The following JAKMIP3 variants were observed in gnomAD, a reference collection of about 807,000 sequenced individuals.
JAKMIP3 encodes janus kinase and microtubule-interacting protein 3.
A neutral mutation model predicts 118.5 loss-of-function variants in JAKMIP3; 58 were observed. The ratio of observed to expected loss-of-function variants is 0.49; its 90% CI spans 0.40 to 0.61. The LOEUF (loss-of-function observed/expected upper bound fraction) is 0.61, where lower values mean the gene tolerates loss of function less well. Ranked by LOEUF, JAKMIP3 falls within the 20% of genes least tolerant of loss-of-function variation. The pLI is 0.00. For missense variants in JAKMIP3, 950 were observed against 1,109.0 expected, an observed-to-expected ratio of 0.86 and a Z score of 2.04; for synonymous variants, 486 against 451.2, an observed-to-expected ratio of 1.08 and a Z score of -0.98.
At chr10:132,037,411 G>C (rs1362691237) in intron 1 of JAKMIP3, among the ~76,000 whole-genome samples, 1 of 152,086 alleles carries the variant, frequency 6.6e-6, no homozygotes, top group Non-Finnish European at 1.5e-5. Context: ...GTAAGAAATG[G>C]GGTGGTGACG....
chr10:132,089,914 A>C (rs1444181087), intron 1 of JAKMIP3, among the ~76,000 whole-genome samples: 1 of 152,218 alleles, frequency 6.6e-6, no homozygotes, highest in African/African-American at 2.4e-5. Context: ...AGTTTTTAGC[A>C]TGAAGGGCTG....
Position 132,065,951 on chromosome 10 carries a change from A to G in JAKMIP3, c.-248A>G, listed in dbSNP as rs1206913393. On this transcript the variant is annotated 5_prime_UTR_variant, in exon 1 of 24. Transcript: ENST00000684848. This position sits in a 1 kb window ranked among gnomAD's most constrained non-coding sequence, Gnocchi z 5.6. The stretch of plus-strand genomic sequence containing the variant: ...GCCGAGCTCTTTGCTGAGTCATAGA[A>G]GCTCGGAGCTGATTTGCGCAAAAGC... Among the ~76,000 whole-genome samples, 1 of 152,190 alleles carries G rather than the reference A, an allele frequency of 6.6e-6. No individual in the cohort carries two copies. The highest frequency in any genetic ancestry group is 1.5e-5 in the Non-Finnish European group (1 of 68,020).
intron 14 of JAKMIP3, 106 bp downstream of exon 14, chr10:132,148,156 A>G (rs1037459302): frequency 1.5e-6 from 1 of 686,644 alleles, no homozygotes. Context: ...GAACATGAAC[A>G]TGAACCCAAA....
chr10:132,093,638 C>A (rs2043406578), intron 1 of JAKMIP3, among the ~76,000 whole-genome samples: 1 of 152,164 alleles, frequency 6.6e-6, no homozygotes, highest in South Asian at 2.1e-4. Context: ...CTGTCCATCA[C>A]CGCTTCCCTT....
At chr10:132,143,692 T>A (rs1046690665) in intron 11 of JAKMIP3, 1 of 152,178 alleles carries the variant, frequency 6.6e-6, no homozygotes, top group Non-Finnish European at 1.5e-5. Context: ...TGTATTATAA[T>A]TGGAAATGTC....
chr10:132,059,666 G>A (rs567773222), intron 1 of JAKMIP3, among the ~76,000 whole-genome samples: 12 of 152,346 alleles, frequency 7.9e-5, no homozygotes, highest in Non-Finnish European at 1.2e-4. Context: ...CGCAGCAGGC[G>A]CTTAGTGGGG....
chr10:132,135,869 C>T lies in JAKMIP3; in HGVS notation c.970-61C>T, dbSNP rs1225399238. 7 of 1,541,836 alleles carry T rather than the reference C, an allele frequency of 4.5e-6. No homozygotes were observed. The East Asian group carries it at 9.2e-5, about 20-fold the overall frequency. On this transcript the variant is annotated intron_variant, in intron 5 of 23. Transcript: ENST00000684848. ...AGCTGTGGTCAGTCAGCCGACTCTGCGTGGAGACCTGCTGGTTCTCCGTCA... is the reference window on the plus strand; with the variant it reads ...AGCTGTGGTCAGTCAGCCGACTCTGTGTGGAGACCTGCTGGTTCTCCGTCA...
intron 23 of JAKMIP3, among the ~76,000 whole-genome samples, chr10:132,171,452 G>A (rs528603228): frequency 3.9e-5 from 6 of 152,286 alleles, no homozygotes; most frequent in South Asian, 2.1e-4. Flanking sequence ...ATGTCCGTCC[G>A]AGTGTATTTT....
At chr10:132,136,457 G>A (rs974047876) in intron 6 of JAKMIP3, among the ~76,000 whole-genome samples, 1 of 152,196 alleles carries the variant, frequency 6.6e-6, no homozygotes, top group African/African-American at 2.4e-5. Context: ...GCGCCAAGCA[G>A]GAGTCGGGGG....
In JAKMIP3 at chr10:132,112,097, C is replaced by T. The variant is rs1264060081; in HGVS notation, c.136-4980C>T. 3.3e-5 allele frequency among the ~76,000 whole-genome samples: 5 copies of T among 151,956 alleles called. No individual in the cohort carries two copies. Among genetic ancestry groups the T allele is most frequent in the East Asian group, 1.9e-4 (1 of 5,172 alleles). ...AGGCTTGGGTCTGAGCAGCAGTGGC[C>T]GGGCTGCCCTTTGCTGAGGTGGCAT... On this transcript the variant is annotated intron_variant, in intron 2 of 23. Coordinates refer to ENST00000684848, the MANE Select transcript of JAKMIP3 (RefSeq NM_001323087.2). This position sits in a 1 kb window ranked among gnomAD's most constrained non-coding sequence, Gnocchi z 4.3.
chr10:132,172,067 C>T (rs1233287780), intron 23 of JAKMIP3, among the ~76,000 whole-genome samples: 4 of 152,164 alleles, frequency 2.6e-5, no homozygotes, highest in Non-Finnish European at 5.9e-5. Context: ...TCCAGGACCC[C>T]ACGTTGCATT....
chr10:132,133,629 C>A, intron 4 of JAKMIP3, 102 bp downstream of exon 4: 1 of 1,118,108 alleles, frequency 8.9e-7, no homozygotes, highest in Non-Finnish European at 1.3e-6. Flanking sequence ...AGACCAGAGC[C>A]CGAGTTGAGG....
At chr10:132,137,922 G>A (rs902136193) in intron 8 of JAKMIP3, among the ~76,000 whole-genome samples, 197 bp from the exon 9 acceptor site, 3 of 152,310 alleles carry the variant, frequency 2.0e-5, no homozygotes, top group South Asian at 2.1e-4. Flanking sequence ...TTGGGGAGCC[G>A]TCCGTGTCAC....
At chr10:132,050,200 G>A (rs567285605) in intron 1 of JAKMIP3, among the ~76,000 whole-genome samples, 48 of 152,246 alleles carry the variant, frequency 3.2e-4, no homozygotes, top group Non-Finnish European at 4.7e-4. Context: ...TCTCTGAGCC[G>A]GGTTTGCCTC....
chr10:132,050,161 A>G (rs9419329), intron 1 of JAKMIP3, among the ~76,000 whole-genome samples: 41,418 of 151,798 alleles, frequency 0.27, 6,782 homozygotes, highest in African/African-American at 0.46. Context: ...GATGTTTTCA[A>G]TTGCATGCCT....
chr10:132,162,220 C>A (rs7087014), intron 19 of JAKMIP3, among the ~76,000 whole-genome samples: 1 of 152,146 alleles, frequency 6.6e-6, no homozygotes, highest in Non-Finnish European at 1.5e-5. Flanking sequence ...GACTTTGCCT[C>A]TCTGGACATG....
At chr10:132,127,630 G>A (rs1182392752) in intron 3 of JAKMIP3, among the ~76,000 whole-genome samples, 1 of 152,016 alleles carries the variant, frequency 6.6e-6, no homozygotes, top group Non-Finnish European at 1.5e-5. Context: ...CTGAGAATTT[G>A]TGTTCTTCTC....
chr10:132,125,389 C>G (rs942146285), intron 3 of JAKMIP3, among the ~76,000 whole-genome samples: 1 of 152,284 alleles, frequency 6.6e-6, no homozygotes, highest in South Asian at 2.1e-4. Context: ...CCCACAGACG[C>G]GGGTCTCTTT....
chr10:132,130,867 C>G (rs1321950115), intron 3 of JAKMIP3, among the ~76,000 whole-genome samples: 1 of 152,110 alleles, frequency 6.6e-6, no homozygotes, highest in African/African-American at 2.4e-5. Flanking sequence ...AGGCTCCACC[C>G]TAGAGGTTCT....
Sources: allele counts gnomAD v4.1 joint callset (sites outside exome capture counted in the v4.1 genomes callset), GRCh38; gene constraint gnomAD v4.1.1; non-coding constraint Gnocchi (gnomAD v3.1); transcripts MANE v1.5; gene names NCBI Gene and HGNC (gene_info 2026-07-23, HGNC 2026-07-21).